The following CKAP5 variants were observed in gnomAD, a reference collection of about 807,000 sequenced individuals.
The protein encoded by CKAP5 is cytoskeleton-associated protein 5.
Under a neutral mutation model 232.8 loss-of-function variants are expected in CKAP5, and 27 were observed. The observed-to-expected ratio is 0.12, with a 90% CI of 0.09 to 0.16. The LOEUF is 0.16. Ranked by LOEUF, CKAP5 falls within the 10% of genes least tolerant of loss-of-function variation. CKAP5 has a pLI of 1.00. For missense variants in CKAP5, 1,838 were observed against 2,424.7 expected, an observed-to-expected ratio of 0.76 and a Z score of 5.08; for synonymous variants, 785 against 841.1, an observed-to-expected ratio of 0.93 and a Z score of 1.16.
intron 35 of CKAP5, 127 bp from the exon 36 acceptor site, chr11:46,755,194 A>G (rs1329194860): frequency 3.1e-6 from 2 of 655,494 alleles, no homozygotes; most frequent in Admixed American, 3.8e-5. Context: ...ACCTTAAAAA[A>G]AAGCCCATTT....
chr11:46,786,027 A>G (rs1216699669), intron 16 of CKAP5, among the ~76,000 whole-genome samples: 3 of 152,206 alleles, frequency 2.0e-5, no homozygotes, highest in Non-Finnish European at 4.4e-5. Context: ...AAACCAAAAA[A>G]CAAACCAAAG....
chr11:46,780,395 A>G (rs747257637), intron 19 of CKAP5, 33 bp downstream of exon 19: 3 of 1,613,532 alleles, frequency 1.9e-6, no homozygotes, highest in Admixed American at 3.3e-5. Context: ...CAAAGATGGC[A>G]ATACTGCCCT....
chr11:46,792,789 G>C (rs1314017659), intron 13 of CKAP5, among the ~76,000 whole-genome samples: 1 of 152,164 alleles, frequency 6.6e-6, no homozygotes, highest in East Asian at 1.9e-4. Context: ...GAGGTAAGAG[G>C]CAAGTGGGTT....
intron 15 of CKAP5, among the ~76,000 whole-genome samples, chr11:46,789,740 G>A (rs1233081506): frequency 1.3e-5 from 2 of 152,062 alleles, no homozygotes; most frequent in Non-Finnish European, 1.5e-5. Context: ...AGCTTGCAGT[G>A]AGCCAAGATC....
At chr11:46,781,849 G>A (rs2065344930) in intron 18 of CKAP5, among the ~76,000 whole-genome samples, 1 of 152,168 alleles carries the variant, frequency 6.6e-6, no homozygotes, top group South Asian at 2.1e-4. Context: ...TTTTGAGATG[G>A]AGTTTTGTTC....
chr11:46,770,683 C>T (rs991672786), intron 25 of CKAP5, 105 bp downstream of exon 25: 1 of 1,011,922 alleles, frequency 9.9e-7, no homozygotes, highest in African/African-American at 1.6e-5. Flanking sequence ...CCTGTCTCGG[C>T]CTCCCAAAGT....
intron 35 of CKAP5, among the ~76,000 whole-genome samples, chr11:46,757,151 G>A (rs1469971299): frequency 6.6e-6 from 1 of 151,934 alleles, no homozygotes; most frequent in Non-Finnish European, 1.5e-5. Flanking sequence ...AGAATTATCA[G>A]CAAAGTGATG....
At chr11:46,835,655 A>G (rs1196146065) in intron 1 of CKAP5, among the ~76,000 whole-genome samples, 2 of 152,204 alleles carry the variant, frequency 1.3e-5, no homozygotes, top group South Asian at 2.1e-4. Context: ...ACACTAGTCC[A>G]TAAGATACAA....
intron 1 of CKAP5, among the ~76,000 whole-genome samples, chr11:46,823,032 C>T (rs918834270): frequency 1.3e-5 from 2 of 152,062 alleles, no homozygotes; most frequent in Non-Finnish European, 2.9e-5. Context: ...ACGATCTTGG[C>T]TCGCTGCAAC....
intron 1 of CKAP5, among the ~76,000 whole-genome samples, chr11:46,840,681 C>T (rs932269135): frequency 6.6e-5 from 10 of 152,190 alleles, no homozygotes; most frequent in Non-Finnish European, 1.5e-4. Flanking sequence ...CATGGAAGCT[C>T]CATGCCTCTT....
At chr11:46,759,164 A>G (rs1022499475) in intron 34 of CKAP5, 105 bp downstream of exon 34, 2 of 1,504,778 alleles carry the variant, frequency 1.3e-6, no homozygotes, top group Admixed American at 3.9e-5. Context: ...TTCAAAAAAT[A>G]ATCAGTTCTA....
chr11:46,793,132 C>G (rs1040883599), intron 13 of CKAP5, among the ~76,000 whole-genome samples: 3 of 152,106 alleles, frequency 2.0e-5, no homozygotes, highest in African/African-American at 7.2e-5. Flanking sequence ...ACAATCAAAT[C>G]AACAATAAAA....
intron 9 of CKAP5, among the ~76,000 whole-genome samples, chr11:46,798,421 C>T (rs1286968080): frequency 2.0e-5 from 3 of 150,336 alleles, no homozygotes; most frequent in Non-Finnish European, 3.0e-5. Flanking sequence ...CTAAAACAAA[C>T]AAAAAAAAAT....
intron 1 of CKAP5, among the ~76,000 whole-genome samples, chr11:46,824,082 T>C (rs1939601246): frequency 6.6e-6 from 1 of 152,178 alleles, no homozygotes; most frequent in Non-Finnish European, 1.5e-5. Flanking sequence ...AAATATTAAG[T>C]AACCTGCCAA....
At chr11:46,802,557 GACACAC>G (rs1254439046) in intron 8 of CKAP5, among the ~76,000 whole-genome samples, 1 of 147,448 alleles carries the variant, frequency 6.8e-6, no homozygotes, top group African/African-American at 2.5e-5. Context: ...CAGACAGACA[GACACAC>G]ACACACACAC....
At chr11:46,835,631 ACACT>A (rs1248287810) in intron 1 of CKAP5, among the ~76,000 whole-genome samples, 13 of 152,224 alleles carry the variant, frequency 8.5e-5, no homozygotes, top group African/African-American at 3.1e-4. Flanking sequence ...AAGCCAATAC[ACACT>A]CACACATACA....
intron 42 of CKAP5, 128 bp from the exon 43 acceptor site, chr11:46,744,705 G>T: frequency 3.6e-6 from 3 of 830,442 alleles, no homozygotes; most frequent in Non-Finnish European, 5.6e-6. Context: ...AATTCCACAA[G>T]AATCTACCTG....
Position 46,816,277 on chromosome 11 carries a change from C to G in CKAP5, c.379G>C (p.Glu127Gln). 6.2e-7 allele frequency: 1 copy of G among 1,614,128 alleles called. No individual in the cohort carries two copies. The highest frequency in any genetic ancestry group is 8.5e-7 in the Non-Finnish European group (1 of 1,179,996). ...TTGTCCAAGCCTTTCAGGAGCTCTT[C>G]TTGAACAGCCTCTCCTTTCTCAATC... ...IEIEKGEAVQ[E>Q]ELLKGLDNKN... The change falls in exon 4 of 44, where the codon GAA (glutamate) becomes CAA (glutamine). Residue 127 changes from glutamate (E) to glutamine (Q), a missense_variant. By Grantham distance (29) the Glu-to-Gln change is conservative. Transcript: ENST00000529230.
intron 1 of CKAP5, among the ~76,000 whole-genome samples, chr11:46,823,441 G>A (rs188112703): frequency 3.5e-4 from 53 of 151,818 alleles, no homozygotes; most frequent in African/African-American, 1.3e-3. Context: ...AAAAAGACAG[G>A]CATAATCCCC....
Sources: allele counts gnomAD v4.1 joint callset (sites outside exome capture counted in the v4.1 genomes callset), GRCh38; gene constraint gnomAD v4.1.1; transcripts MANE v1.5; gene names NCBI Gene and HGNC (gene_info 2026-07-23, HGNC 2026-07-21).